The following ZEB1 variants were observed in gnomAD, a reference collection of about 807,000 sequenced individuals.
ZEB1 encodes the protein zinc finger E-box binding homeobox 1, also known as zinc finger E-box-binding homeobox 1.
A neutral mutation model predicts 84.9 loss-of-function variants in ZEB1; 21 were observed. That is an observed-to-expected ratio of 0.25 (90% confidence interval 0.18 to 0.36). The LOEUF is 0.36. ZEB1 is among the 10% of genes least tolerant of loss of function. The pLI, the probability that ZEB1 is intolerant of heterozygous loss-of-function variation, is 1.00. For missense variants in ZEB1, 1,104 were observed against 1,330.2 expected (o/e 0.83, Z 2.65); for synonymous variants, 420 against 471.1 (o/e 0.89, Z 1.41).
At chr10:31,411,692 T>C (rs997143466) in intron 1 of ZEB1, among the ~76,000 whole-genome samples, 1 of 148,248 alleles carries the variant, frequency 6.7e-6, no homozygotes, top group African/African-American at 2.5e-5. Context: ...CACTAAATGC[T>C]ATAAATTTCT....
chr10:31,512,080 C>T (rs981562124), intron 5 of ZEB1, among the ~76,000 whole-genome samples: 1 of 151,996 alleles, frequency 6.6e-6, no homozygotes, highest in African/African-American at 2.4e-5. Context: ...TTCCTAGTGC[C>T]CCTATTAATG....
intron 2 of ZEB1, among the ~76,000 whole-genome samples, chr10:31,482,861 A>T (rs2065225505): frequency 6.6e-6 from 1 of 152,076 alleles, no homozygotes; most frequent in Non-Finnish European, 1.5e-5. Flanking sequence ...AGTAGGTCAG[A>T]GGATCATTCC....
At chr10:31,371,648 C>T (rs1316252811) in intron 1 of ZEB1, among the ~76,000 whole-genome samples, 1 of 152,172 alleles carries the variant, frequency 6.6e-6, no homozygotes, top group East Asian at 1.9e-4. Context: ...ATGTACCACT[C>T]ACTCTCCCCC....
At chr10:31,370,945 T>C (rs928633478) in intron 1 of ZEB1, among the ~76,000 whole-genome samples, 1 of 152,194 alleles carries the variant, frequency 6.6e-6, no homozygotes, top group African/African-American at 2.4e-5. Flanking sequence ...TCTGAACTCC[T>C]GGTTTCAAGC....
At position 31,334,031 on chromosome 10, in the gene ZEB1, A is replaced by G. The variant is rs77213543; in HGVS notation, c.58+14739A>G. On this transcript the variant is annotated intron_variant, in intron 1 of 8. Coordinates refer to ENST00000424869, the MANE Select transcript of ZEB1 (RefSeq NM_001174096.2). ...GACTACCTGATAATACACTTTCAAA[A>G]TACATTAAGCAGAAACTAGGACTGC... is the stretch of plus-strand genomic sequence containing the variant. Among the ~76,000 whole-genome samples the G allele has an allele frequency of 9.2e-3, 1,407 of 152,202 alleles. 20 individuals carry two copies. Among genetic ancestry groups the G allele is most frequent in the African/African-American group, 0.032 (1,348 of 41,560 alleles).
rs995045758 is a variant in ZEB1 at position 31,528,801 on chromosome 10, G to C, written c.*1537G>C. On this transcript the variant is annotated 3_prime_UTR_variant, in exon 9 of 9. Coordinates refer to ENST00000424869, the MANE Select transcript of ZEB1 (RefSeq NM_001174096.2). Reference sequence around the variant, plus strand: ...CTGCATTGAGATTTGATTTAACAGTGTTATGTTAACATTTATACTTGCCTT... The same window carrying C: ...CTGCATTGAGATTTGATTTAACAGTCTTATGTTAACATTTATACTTGCCTT... 1 of 152,160 alleles carries C rather than the reference G, an allele frequency of 6.6e-6. No individual in the cohort carries two copies. Among genetic ancestry groups the C allele is most frequent in the Non-Finnish European group, 1.5e-5 (1 of 68,026 alleles). The allele number at this position is 152,160 out of a possible 1,614,324, so 9.4% of individuals were successfully genotyped here. A position where few individuals can be genotyped will look rare whatever the true frequency, so the allele number is the denominator to read the frequency against.
chr10:31,406,869 A>G (rs1438127339), intron 1 of ZEB1, among the ~76,000 whole-genome samples: 7 of 152,022 alleles, frequency 4.6e-5, no homozygotes, highest in African/African-American at 7.2e-5. Context: ...TAATTTTTGT[A>G]TGAGGTGTAA....
intron 1 of ZEB1, among the ~76,000 whole-genome samples, chr10:31,398,991 C>CTTT (rs34530318): frequency 1.5e-5 from 2 of 133,138 alleles, no homozygotes; most frequent in East Asian, 2.2e-4. Context: ...GTCCTTTAGT[C>CTTT]TTTTTTTTTT....
At chr10:31,458,854 T>C (rs2061527104) in intron 1 of ZEB1, among the ~76,000 whole-genome samples, 1 of 152,134 alleles carries the variant, frequency 6.6e-6, no homozygotes, top group Admixed American at 6.6e-5. Context: ...GCTGTGTAGC[T>C]ATCCAGAGGG....
At chr10:31,425,484 G>T (rs552943502) in intron 1 of ZEB1, among the ~76,000 whole-genome samples, 11 of 152,062 alleles carry the variant, frequency 7.2e-5, no homozygotes, top group African/African-American at 2.6e-4. Context: ...AGGCCTCATA[G>T]ACAACAAAGG....
At position 31,457,908 on chromosome 10, in the gene ZEB1, A is replaced by C. The variant is rs544314188; in HGVS notation, c.59-3129A>C. ...TGTGCAATCCAAGGTCAACCAGAGA[A>C]CCTACAGCTAACAAAATTGATAATA... is the stretch of plus-strand genomic sequence containing the variant. On this transcript the variant is annotated intron_variant, in intron 1 of 8. Transcript: ENST00000424869. Among the ~76,000 whole-genome samples the C allele has an allele frequency of 1.4e-4, 22 of 152,262 alleles. 1 individual carries two copies. In the South Asian group the frequency reaches 1.5e-3, roughly 10 times the overall value.
chr10:31,442,416 G>C (rs1044553717), intron 1 of ZEB1, among the ~76,000 whole-genome samples: 1 of 152,120 alleles, frequency 6.6e-6, no homozygotes, highest in Non-Finnish European at 1.5e-5. Context: ...CGTGGCATGG[G>C]GGTAGGGGGG....
At chr10:31,338,466 A>C (rs1369997740) in intron 1 of ZEB1, among the ~76,000 whole-genome samples, 6 of 152,198 alleles carry the variant, frequency 3.9e-5, no homozygotes, top group Admixed American at 6.5e-5. Context: ...CAGTCTGTGC[A>C]CTTAACCACT....
chr10:31,430,843 G>A (rs868855411), intron 1 of ZEB1, among the ~76,000 whole-genome samples: 1 of 152,186 alleles, frequency 6.6e-6, no homozygotes, highest in African/African-American at 2.4e-5. Context: ...TTAGAAGCTA[G>A]TGTAATATAA....
chr10:31,321,653 C>G, intron 1 of ZEB1: 8 of 1,399,636 alleles, frequency 5.7e-6, no homozygotes, highest in South Asian at 1.2e-5. Flanking sequence ...AACCACCCAG[C>G]GTCTGTGCAG....
intron 1 of ZEB1, among the ~76,000 whole-genome samples, chr10:31,408,316 T>G (rs1345283514): frequency 4.0e-5 from 6 of 151,042 alleles, no homozygotes; most frequent in Non-Finnish European, 8.9e-5. Context: ...ATGGCCATAC[T>G]GCCCAAGGTA....
Position 31,521,459 on chromosome 10 carries a change from A to T in ZEB1, c.2127A>T (p.Leu709=). 2 of 1,614,054 alleles carry T rather than the reference A, an allele frequency of 1.2e-6. No individual in the cohort carries two copies. The highest frequency in any genetic ancestry group is 1.7e-6 in the Non-Finnish European group (2 of 1,179,988). ...GTAGTACACCATCCCCATCACCTCT[A>T]AACCTTTCCTCATCCAGAAATACAC... is the stretch of plus-strand genomic sequence containing the variant. ...SRSSTPSPSP[L]NLSSSRNTQG... The change falls in exon 7 of 9, where the codon CTA becomes CTT. Residue 709 remains leucine (L), a synonymous_variant. Coordinates refer to ENST00000424869, the MANE Select transcript of ZEB1 (RefSeq NM_001174096.2).
chr10:31,421,881 T>C (rs2056216699), intron 1 of ZEB1, among the ~76,000 whole-genome samples: 1 of 152,116 alleles, frequency 6.6e-6, no homozygotes, highest in African/African-American at 2.4e-5. Context: ...AAAAGCTCAA[T>C]ACATGTTTTG....
chr10:31,338,234 A>G (rs889860509), intron 1 of ZEB1, among the ~76,000 whole-genome samples: 6 of 152,160 alleles, frequency 3.9e-5, no homozygotes, highest in African/African-American at 1.4e-4. Context: ...TTCATTTTAG[A>G]ATATTTACAT....
Sources: gnomAD v4.1 joint callset for allele counts (sites outside exome capture counted in the v4.1 genomes callset) on GRCh38, gnomAD v4.1.1 for gene constraint, MANE v1.5 for transcripts, NCBI Gene and HGNC (gene_info 2026-07-23, HGNC 2026-07-21) for gene names.